OR1S2: variants seen among roughly 807,000 people sequenced by gnomAD.
OR1S2 encodes the protein olfactory receptor 1S2.
In OR1S2, 1 loss-of-function variant was observed where a neutral mutation model predicts 1.7. The ratio of observed to expected loss-of-function variants is 0.59; its 90% CI spans 0.21 to 2.81. The LOEUF (loss-of-function observed/expected upper bound fraction) is 2.81. Among genes scored for constraint, OR1S2 ranks in the 30% most tolerant of loss-of-function variants. The pLI, the probability that OR1S2 is intolerant of heterozygous loss-of-function variation, is 0.22. For missense variants in OR1S2, 391 were observed against 371.6 expected, an observed-to-expected ratio of 1.05 and a Z score of -0.43; for synonymous variants, 157 against 145.3, an observed-to-expected ratio of 1.08 and a Z score of -0.58.
At position 58,203,672 on chromosome 11, in the gene OR1S2, A is replaced by C. The variant is rs761197516; in HGVS notation, c.471T>G (p.Leu157=). ...ATTGAATGAGCAGAAGGGTGTGTGT[A>C]AGAGCAATAATATTACTGAGGAACC... The change falls in exon 1 of 1, where the codon CTT becomes CTG. Residue 157 remains leucine, a synonymous_variant. Coordinates refer to ENST00000641683, the Ensembl canonical transcript of OR1S2. 5.0e-5 allele frequency: 80 copies of C among 1,613,944 alleles called. No individual in the cohort carries two copies. Among genetic ancestry groups the C allele is most frequent in the African/African-American group, 1.1e-4 (8 of 74,900 alleles).
exon 1 of OR1S2, chr11:58,203,219 T>A: frequency 6.2e-7 from 1 of 1,607,806 alleles, no homozygotes; most frequent in South Asian, 1.1e-5. Flanking sequence ...GGGAAGAAAT[T>A]TTTCTATTGA....
In OR1S2 at chr11:58,203,865, G is replaced by C. The variant is rs767664695; in HGVS notation, c.278C>G (p.Ser93Cys). 4 of 1,614,144 alleles carry C rather than the reference G, an allele frequency of 2.5e-6. No individual in the cohort carries two copies. The Admixed American group carries it at 6.7e-5, about 27-fold the overall frequency. The stretch of plus-strand genomic sequence containing the variant: ...CATCTGTGTGATGCAGCTCTCATAA[G>C]AGATGGATTGGCTGTTGGTTTGAAT... The change falls in exon 1 of 1, where the codon TCT becomes TGT. Residue 93 changes from serine (S) to cysteine (C), a missense_variant. By Grantham distance (112) the Ser-to-Cys change is moderately radical (BLOSUM62 -1). Coordinates refer to ENST00000641683, the Ensembl canonical transcript of OR1S2.
chr11:58,203,357 G>T (rs1278767489), exon 1 of OR1S2: 8 of 1,613,900 alleles, frequency 5.0e-6, no homozygotes, highest in Non-Finnish European at 6.8e-6. Flanking sequence ...GAGTGGAGGA[G>T]GGGAAAAAGT....
chr11:58,203,248 C>T, exon 1 of OR1S2: 2 of 1,612,946 alleles, frequency 1.2e-6, no homozygotes, highest in Non-Finnish European at 1.7e-6. Context: ...CTCAGGGCAC[C>T]TTTCATATCC....
exon 1 of OR1S2, chr11:58,204,012 A>G (rs1183402421): frequency 6.2e-7 from 1 of 1,614,062 alleles, no homozygotes; most frequent in African/African-American, 1.3e-5. Flanking sequence ...CACAATGATG[A>G]GCCCGTTCCC....
chr11:58,203,218 T>G, exon 1 of OR1S2: 2 of 1,607,684 alleles, frequency 1.2e-6, no homozygotes, highest in Non-Finnish European at 1.7e-6. Context: ...AGGGAAGAAA[T>G]TTTTCTATTG....
At chr11:58,203,649 TGAATGAGCA>T (rs1449652864) in exon 1 of OR1S2, 1 of 1,613,792 alleles carries the variant, frequency 6.2e-7, no homozygotes, top group South Asian at 1.1e-5. Flanking sequence ...GAAGAGCAAT[TGAATGAGCA>T]GAAGGGTGTG....
In OR1S2 at chr11:58,203,967, A is replaced by G. The variant is rs750235462; in HGVS notation, c.176T>C (p.Met59Thr). 17 of 1,613,980 alleles carry G rather than the reference A, an allele frequency of 1.1e-5. No individual in the cohort carries two copies. In the South Asian group the frequency reaches 1.1e-4, roughly 10 times the overall value. The change falls in exon 1 of 1, where the codon ATG becomes ACG. Residue 59 changes from methionine to threonine, a missense_variant. Met to Thr is a moderately conservative substitution (Grantham distance 81). Transcript: ENST00000641683. Reference sequence around the variant, plus strand: ...GGATAGGTAGGCAAGGAAGAGATACATGGGGGTGTGAAGGTATATATCCAA... The same window carrying G: ...GGATAGGTAGGCAAGGAAGAGATACGTGGGGGTGTGAAGGTATATATCCAA...
exon 1 of OR1S2, chr11:58,203,425 T>C (rs199810889): frequency 1.9e-6 from 3 of 1,613,944 alleles, no homozygotes; most frequent in East Asian, 4.5e-5. Context: ...GAGCCACAAG[T>C]GGAGAAGGCT....
chr11:58,203,316 A>C, exon 1 of OR1S2: 1 of 1,614,106 alleles, frequency 6.2e-7, no homozygotes. Context: ...AGTGAATAGG[A>C]CAGCACCAAT....
At chr11:58,203,864 A>T (rs767863271) in exon 1 of OR1S2, 31 of 1,614,056 alleles carry the variant, frequency 1.9e-5, no homozygotes, top group African/African-American at 2.7e-5. Flanking sequence ...AGCTCTCATA[A>T]GAGATGGATT....
At chr11:58,203,403 A>G (rs1854869433) in exon 1 of OR1S2, 1 of 1,614,030 alleles carries the variant, frequency 6.2e-7, no homozygotes, top group Non-Finnish European at 8.5e-7. Context: ...CAGTAATGCA[A>G]TTGTCAGGTG....
chr11:58,204,008 G>A (rs780246369), exon 1 of OR1S2: 1 of 1,614,056 alleles, frequency 6.2e-7, no homozygotes, highest in East Asian at 2.2e-5. Context: ...TAGCCACAAT[G>A]ATGAGCCCGT....
chr11:58,203,334 G>T, exon 1 of OR1S2: 2 of 1,614,066 alleles, frequency 1.2e-6, no homozygotes, highest in Admixed American at 1.7e-5. Flanking sequence ...AATCTTATCA[G>T]TGTCCTCAGG....
exon 1 of OR1S2, chr11:58,203,864 A>G (rs767863271): frequency 6.2e-7 from 1 of 1,614,174 alleles, no homozygotes; most frequent in Admixed American, 1.7e-5. Flanking sequence ...AGCTCTCATA[A>G]GAGATGGATT....
At position 58,203,871 on chromosome 11, in the gene OR1S2, G is replaced by T. The variant is rs756049313; in HGVS notation, c.272C>A (p.Ser91Tyr). 5.6e-6 allele frequency: 9 copies of T among 1,614,010 alleles called. No homozygotes were observed. Among genetic ancestry groups the T allele is most frequent in the Non-Finnish European group, 7.6e-6 (9 of 1,180,000 alleles). The change falls in exon 1 of 1, where the codon TCC becomes TAC. Residue 91 changes from serine (S) to tyrosine (Y), a missense_variant. Physicochemically the swap from Ser to Tyr is moderately radical, Grantham distance 144 (BLOSUM62 -2). Transcript: ENST00000641683. Reference sequence around the variant, plus strand: ...TGTGATGCAGCTCTCATAAGAGATGGATTGGCTGTTGGTTTGAATATTCAC... The same window carrying T: ...TGTGATGCAGCTCTCATAAGAGATGTATTGGCTGTTGGTTTGAATATTCAC...
rs753906498 is a variant in OR1S2 at position 58,203,366 on chromosome 11, G to T, written c.777C>A (p.Tyr259Ter). 6.2e-7 allele frequency: 1 copy of T among 1,614,016 alleles called. No individual in the cohort carries two copies. The highest frequency in any genetic ancestry group is 8.5e-7 in the Non-Finnish European group (1 of 1,179,960). The change falls in exon 1 of 1, where the codon TAC becomes TAA. Residue 259 changes from tyrosine (Y) to a stop codon, truncating the protein, a stop_gained. Coordinates refer to ENST00000641683, the Ensembl canonical transcript of OR1S2. LOFTEE classifies it high-confidence loss of function. ...CAGGGTGAGTGGAGGAGGGGAAAAA[G>T]TACACGCCTACAGTGGTTCCGTAGA...
At chr11:58,203,292 A>G in exon 1 of OR1S2, 1 of 1,614,094 alleles carries the variant, frequency 6.2e-7, no homozygotes, top group Non-Finnish European at 8.5e-7. Flanking sequence ...GGGGTTCATC[A>G]TGGGTGTCAC....
chr11:58,203,926 A>G (rs1214790370), exon 1 of OR1S2: 1 of 1,614,006 alleles, frequency 6.2e-7, no homozygotes, highest in Non-Finnish European at 8.5e-7. Flanking sequence ...TTGGAAATGG[A>G]GGAAATATCA....
Sources: gnomAD v4.1 joint callset for allele counts on GRCh38, gnomAD v4.1.1 for gene constraint, MANE v1.5 for transcripts, NCBI Gene and HGNC (gene_info 2026-07-23, HGNC 2026-07-21) for gene names.